Variants in GSDMA observed in about 807,000 individuals in gnomAD.
GSDMA encodes gasdermin A.
In GSDMA, 55 loss-of-function variants were observed where a neutral mutation model predicts 54.3. The ratio of observed to expected loss-of-function variants is 1.01; its 90% CI spans 0.82 to 1.27. The LOEUF is 1.27. Among genes scored for constraint, GSDMA ranks in the 50% most tolerant of loss-of-function variants. The probability of loss-of-function intolerance (pLI) is 0.00; values close to 1 mark genes in which losing one functional copy is unlikely to be tolerated. For missense variants in GSDMA, 542 were observed against 542.6 expected, an observed-to-expected ratio of 1.00 and a Z score of 0.01; for synonymous variants, 211 against 224.7, an observed-to-expected ratio of 0.94 and a Z score of 0.54.
chr17:39,966,242 G>A lies in GSDMA; in HGVS notation c.215-18G>A, dbSNP rs905461497. On this transcript the variant is annotated intron_variant, in intron 2 of 11. Transcript: ENST00000301659. ...GCACCCAGCCAGCCCAGCCCCTTTTGTCTTTTCCCTCCTGCAGACCCAACA... is the reference window on the plus strand; with the variant it reads ...GCACCCAGCCAGCCCAGCCCCTTTTATCTTTTCCCTCCTGCAGACCCAACA... 3.1e-6 allele frequency: 5 copies of A among 1,613,512 alleles called. No homozygotes were observed. Among genetic ancestry groups the A allele is most frequent in the South Asian group, 1.1e-5 (1 of 91,048 alleles).
rs1256193178 is a variant in GSDMA at position 39,971,550 on chromosome 17, A to G, written c.585A>G (p.Val195=). The G allele has an allele frequency of 6.2e-7, 1 of 1,613,798 alleles. No homozygotes were observed. The highest frequency in any genetic ancestry group is 8.5e-7 in the Non-Finnish European group (1 of 1,179,708). ...GATCCATAAATCACAAGGAGGCTGTAACCATCCCCAAGGGCTGCGTCCTGG... is the reference window on the plus strand; with the variant it reads ...GATCCATAAATCACAAGGAGGCTGTGACCATCCCCAAGGGCTGCGTCCTGG... ...LQGSINHKEA[V]TIPKGCVLAF... The change falls in exon 5 of 12, where the codon GTA becomes GTG. Residue 195 remains valine (V), a synonymous_variant. Coordinates refer to ENST00000301659, the MANE Select transcript of GSDMA (RefSeq NM_178171.5).
rs56030650 is a variant in GSDMA at position 39,974,934 on chromosome 17, C to G, written c.941C>G (p.Thr314Ser). The G allele has an allele frequency of 1.2e-6, 2 of 1,610,620 alleles. No homozygotes were observed. Among genetic ancestry groups the G allele is most frequent in the South Asian group, 2.2e-5 (2 of 90,708 alleles). Residue 314 changes from threonine to serine, a missense_variant, in exon 10 of 12, where the codon ACC (threonine) becomes AGC (serine). Transcript: ENST00000301659. Reference sequence around the variant, plus strand: ...GCTCTAGACAAGGGACATGAAGTGACCCTGGAGGCACTCCCAAAAGATGTC... The same window carrying G: ...GCTCTAGACAAGGGACATGAAGTGAGCCTGGAGGCACTCCCAAAAGATGTC... Reference protein sequence around the residue: ...EGALDKGHEVTLEALPKDVLL... With the variant: ...EGALDKGHEVSLEALPKDVLL...
chr17:39,974,329 C>G lies in GSDMA; in HGVS notation c.808C>G (p.Gln270Glu), dbSNP rs769401325. 1.2e-6 allele frequency: 2 copies of G among 1,610,418 alleles called. No homozygotes were observed. The highest frequency in any genetic ancestry group is 1.7e-6 in the Non-Finnish European group (2 of 1,178,374). ...LKEEVQRETQ[Q>E]VEKLSRVGQS... ...AGAAGAAGTTCAGAGAGAGACCCAA[C>G]AAGTGGAGAAGCTGAGCCGAGTAGG... The change falls in exon 9 of 12, where the codon CAA becomes GAA. Residue 270 changes from glutamine to glutamate, a missense_variant. By Grantham distance (29) the Gln-to-Glu change is conservative. Coordinates refer to ENST00000301659, the MANE Select transcript of GSDMA (RefSeq NM_178171.5).
At position 39,974,265 on chromosome 17, in the gene GSDMA, C is replaced by T. The variant is rs1436868987; in HGVS notation, c.752-8C>T. 3.7e-6 allele frequency: 6 copies of T among 1,605,332 alleles called. No individual in the cohort carries two copies. Among genetic ancestry groups the T allele is most frequent in the African/African-American group, 2.7e-5 (2 of 74,476 alleles). On this transcript the variant is annotated splice_region_variant and splice_polypyrimidine_tract_variant and intron_variant, in intron 8 of 11. Coordinates refer to ENST00000301659, the MANE Select transcript of GSDMA (RefSeq NM_178171.5). ...GGAGGGCTGTGTGTCCCATTATTGTCCCCATAGGGGACGTACACGAAGGCT... is the reference window on the plus strand; with the variant it reads ...GGAGGGCTGTGTGTCCCATTATTGTTCCCATAGGGGACGTACACGAAGGCT...
In GSDMA at chr17:39,977,025, C is replaced by G. The variant is rs1226944627; in HGVS notation, c.1305C>G (p.Leu435=). Residue 435 remains leucine (L), a synonymous_variant, in exon 12 of 12, where the codon CTC becomes CTG. Transcript: ENST00000301659. ...LPRLCALYAG[L]SLLQQLTKAS ...GCCTCTGTGCTCTTTATGCAGGCCT[C>G]TCTCTCCTTCAGCAGCTTACCAAGG... 6.2e-7 allele frequency: 1 copy of G among 1,613,934 alleles called. No individual in the cohort carries two copies. The highest frequency in any genetic ancestry group is 1.7e-5 in the Admixed American group (1 of 60,008).
chr17:39,966,055 C>T (rs868054269), intron 2 of GSDMA, among the ~76,000 whole-genome samples, 154 bp downstream of exon 2: 7 of 152,090 alleles, frequency 4.6e-5, no homozygotes, highest in Non-Finnish European at 8.8e-5. Context: ...GGCTGGTGGT[C>T]GGGGGGATAC....
rs1475196647 is a variant in GSDMA, at chr17:39,974,351, T to C, written c.830T>C (p.Val277Ala). 6.2e-7 allele frequency: 1 copy of C among 1,606,180 alleles called. No individual in the cohort carries two copies. Among genetic ancestry groups the C allele is most frequent in the Admixed American group, 1.7e-5 (1 of 58,800 alleles). Residue 277 changes from valine (V) to alanine (A), a missense_variant, in exon 9 of 12, where the codon GTA (valine) becomes GCA (alanine). Physicochemically the swap from Val to Ala is moderately conservative, Grantham distance 64. Coordinates refer to ENST00000301659, the MANE Select transcript of GSDMA (RefSeq NM_178171.5). ...ETQQVEKLSR[V>A]GQSSLLSSLS... ...CAACAAGTGGAGAAGCTGAGCCGAG[T>C]AGGGCAAAGCTCCCTGCTCAGCTCC...
intron 1 of GSDMA, 92 bp from the exon 2 acceptor site, chr17:39,965,591 A>G: frequency 1.1e-6 from 1 of 878,894 alleles, no homozygotes; most frequent in Non-Finnish European, 1.8e-6. Flanking sequence ...AGAGCCGGGT[A>G]AACTCTCTCT....
Position 39,976,813 on chromosome 17 carries a change from C to T in GSDMA, c.1096-3C>T, listed in dbSNP as rs1175483571. The T allele has an allele frequency of 6.2e-7, 1 of 1,613,882 alleles. No homozygotes were observed. Among genetic ancestry groups the T allele is most frequent in the Non-Finnish European group, 8.5e-7 (1 of 1,179,828 alleles). The stretch of plus-strand genomic sequence containing the variant: ...CTTTTCATGCTGTTTTGATTCCCTC[C>T]AGGTGGAGAGCACGATGGAACAGAA... On this transcript the variant is annotated splice_polypyrimidine_tract_variant and splice_region_variant and intron_variant, in intron 11 of 11. Coordinates refer to ENST00000301659, the MANE Select transcript of GSDMA (RefSeq NM_178171.5).
intron 7 of GSDMA, among the ~76,000 whole-genome samples, chr17:39,973,255 G>A (rs1308213747): frequency 6.7e-6 from 1 of 148,264 alleles, no homozygotes; most frequent in African/African-American, 2.5e-5. Flanking sequence ...TTACAGGCGT[G>A]AGCCACGGCG....
At chr17:39,973,259 C>T (rs1375369953) in intron 7 of GSDMA, among the ~76,000 whole-genome samples, 2 of 146,578 alleles carry the variant, frequency 1.4e-5, no homozygotes, top group Non-Finnish European at 3.0e-5. Flanking sequence ...AGGCGTGAGC[C>T]ACGGCGCCTG....
chr17:39,968,339 CTTTTTTTTT>C (rs60315845), intron 3 of GSDMA, among the ~76,000 whole-genome samples: 12 of 41,358 alleles, frequency 2.9e-4, no homozygotes, highest in East Asian at 7.0e-4. Context: ...TGAGCCCGGT[CTTTTTTTTT>C]TTTTTTTTTT....
Position 39,966,380 on chromosome 17 carries a change from C to A in GSDMA, c.335C>A (p.Thr112Asn). 6.2e-7 allele frequency: 1 copy of A among 1,613,810 alleles called. No individual in the cohort carries two copies. The highest frequency in any genetic ancestry group is 8.5e-7 in the Non-Finnish European group (1 of 1,179,816). Residue 112 changes from threonine (T) to asparagine (N), a missense_variant, in exon 3 of 12, where the codon ACT becomes AAT. By Grantham distance (65) the Thr-to-Asn change is moderately conservative. Coordinates refer to ENST00000301659, the MANE Select transcript of GSDMA (RefSeq NM_178171.5). Reference protein sequence around the residue: ...KGTAGLSQNSTLEVQTLSVAP... With the variant: ...KGTAGLSQNSNLEVQTLSVAP... ...ACGGCAGGGCTCTCGCAGAACAGCA[C>A]TCTGGAGGTCCAGACACTCAGTGTG... is the stretch of plus-strand genomic sequence containing the variant.
chr17:39,974,206 G>A, intron 8 of GSDMA, 67 bp from the exon 9 acceptor site: 1 of 1,490,928 alleles, frequency 6.7e-7, no homozygotes, highest in East Asian at 2.4e-5. Context: ...GAGCCCTGCA[G>A]GGGGAATGCT....
chr17:39,963,507 C>T (rs187575748), intron 1 of GSDMA, among the ~76,000 whole-genome samples: 145 of 152,268 alleles, frequency 9.5e-4, no homozygotes, highest in African/African-American at 3.2e-3. Context: ...GTGTGCCGAT[C>T]GGCCACCCAG....
chr17:39,965,608 G>A lies in GSDMA; in HGVS notation c.-5-75G>A, dbSNP rs1396946614. 6 of 1,089,054 alleles carry A rather than the reference G, an allele frequency of 5.5e-6. No homozygotes were observed. In the East Asian group the frequency reaches 1.3e-4, roughly 23 times the overall value. The allele number at this position is 1,089,054 out of a possible 1,614,324, so 67.5% of individuals were successfully genotyped here. A position where few individuals can be genotyped will look rare whatever the true frequency, so the allele number is the denominator to read the frequency against. ...AGCCGGGTAAACTCTCTCTGCAGGG[G>A]CCCAGCCTATATCCCGGGCTCCTTG... On this transcript the variant is annotated intron_variant, in intron 1 of 11. Transcript: ENST00000301659.
At position 39,968,339 on chromosome 17, in the gene GSDMA, C is replaced by CTTTTTTTTTTTTTTTTTTTTTTTT. The variant is rs60315845; in HGVS notation, c.392+1905_392+1928dup. Among the ~76,000 whole-genome samples the CTTTTTTTTTTTTTTTTTTTTTTTT allele has an allele frequency of 1.7e-4, 7 of 41,358 alleles. 3 individuals carry two copies. Among genetic ancestry groups the CTTTTTTTTTTTTTTTTTTTTTTTT allele is most frequent in the African/African-American group, 9.7e-4 (6 of 6,180 alleles). The allele number at this position is 41,358 out of a possible 152,430, so 27.1% of individuals were successfully genotyped here. On this transcript the variant is annotated intron_variant, in intron 3 of 11. Transcript: ENST00000301659. The stretch of plus-strand genomic sequence containing the variant: ...ACAGGCGTGAGCCACTGAGCCCGGT[C>CTTTTTTTTTTTTTTTTTTTTTTTT]TTTTTTTTTTTTTTTTTTTTTTTTT...
chr17:39,971,447 C>A, intron 4 of GSDMA, 77 bp from the exon 5 acceptor site: 1 of 1,119,954 alleles, frequency 8.9e-7, no homozygotes, highest in Non-Finnish European at 1.3e-6. Context: ...TGACCCTGCA[C>A]CTCCCCCAAC....
In GSDMA at chr17:39,977,539, G is replaced by A. The variant is rs60134943; in HGVS notation, c.*481G>A. 2.6e-5 allele frequency: 4 copies of A among 153,218 alleles called. No individual in the cohort carries two copies. The highest frequency in any genetic ancestry group is 2.0e-4 in the South Asian group (1 of 5,030). 9.5% of individuals were successfully genotyped at this position (153,218 alleles called of 1,614,324 possible). On this transcript the variant is annotated 3_prime_UTR_variant, in exon 12 of 12. Transcript: ENST00000301659. ...ACTCCTGGCCTCAAGTGATCTGCCC[G>A]CCTCGGCCTCCCAAAGTGCTGGGAT...
Sources: allele counts gnomAD v4.1 joint callset (sites outside exome capture counted in the v4.1 genomes callset), GRCh38; gene constraint gnomAD v4.1.1; transcripts MANE v1.5; gene names NCBI Gene and HGNC (gene_info 2026-07-23, HGNC 2026-07-21).